The following TNS1 variants were observed in gnomAD, a reference collection of about 807,000 sequenced individuals.
TNS1 encodes the protein tensin-1.
In TNS1, 62 loss-of-function variants were observed where a neutral mutation model predicts 168.6. That is an observed-to-expected ratio of 0.37 (90% CI 0.30 to 0.45). The LOEUF (loss-of-function observed/expected upper bound fraction) is 0.45, where lower values mean the gene tolerates loss of function less well. TNS1 is among the 20% of genes least tolerant of loss of function. The pLI is 1.00. For synonymous variants in TNS1, 934 were observed against 933.2 expected (o/e 1.00, Z -0.02); for missense variants, 2,240 against 2,339.4 (o/e 0.96, Z 0.88).
At chr2:217,833,114 T>C (rs1190850504) in intron 21 of TNS1, among the ~76,000 whole-genome samples, 1 of 152,214 alleles carries the variant, frequency 6.6e-6, no homozygotes, top group East Asian at 1.9e-4. Context: ...TCAGAGACGG[T>C]CATTCATGGA....
rs1256215667 is a variant in TNS1, at chr2:217,847,499, ATACCT to A, written c.3007+6_3007+10del. ...AAGGGGTAGAAGGAGTCAGGACTGA[ATACCT>A]CTTACCTGCTACCCTGTGGGCCACC... is the stretch of plus-strand genomic sequence containing the variant. On this transcript the variant is annotated splice_donor_region_variant and intron_variant, in intron 19 of 32. Transcript: ENST00000682258. 2.1e-6 allele frequency: 3 copies of A among 1,441,864 alleles called. No individual in the cohort carries two copies. The African/African-American group carries it at 4.2e-5, about 20-fold the overall frequency. The allele number at this position is 1,441,864 out of a possible 1,614,324, so 89.3% of individuals were successfully genotyped here.
chr2:217,991,983 A>T (rs1958377416), intron 1 of TNS1, among the ~76,000 whole-genome samples: 1 of 151,866 alleles, frequency 6.6e-6, no homozygotes, highest in African/African-American at 2.4e-5. Context: ...CTCCACCACT[A>T]CCACAGGCCT....
At chr2:218,013,308 C>T (rs577202550), upstream of TNS1, among the ~76,000 whole-genome samples, 4 of 152,014 alleles carry the variant, frequency 2.6e-5, no homozygotes, top group African/African-American at 4.8e-5. Flanking sequence ...GTGCTCAGTC[C>T]GTCTTCCCTC....
At chr2:217,833,065 C>T (rs898197446) in intron 21 of TNS1, among the ~76,000 whole-genome samples, 1 of 152,184 alleles carries the variant, frequency 6.6e-6, no homozygotes, top group African/African-American at 2.4e-5. Context: ...AAACCAATGG[C>T]GGTTGAATGA....
chr2:217,947,129 GCCAA>G (rs1215055469), intron 3 of TNS1, among the ~76,000 whole-genome samples: 2 of 151,822 alleles, frequency 1.3e-5, no homozygotes, highest in Admixed American at 1.3e-4. Context: ...ACCTCCTTAA[GCCAA>G]CCCATGCTCC....
At chr2:217,922,745 G>A (rs1217570555) in intron 3 of TNS1, among the ~76,000 whole-genome samples, 1 of 152,138 alleles carries the variant, frequency 6.6e-6, no homozygotes, top group African/African-American at 2.4e-5. Context: ...CCGAGGCAGA[G>A]GCACCCCCTA....
chr2:217,928,643 A>G (rs1438679730), intron 3 of TNS1, among the ~76,000 whole-genome samples: 1 of 152,148 alleles, frequency 6.6e-6, no homozygotes, highest in Non-Finnish European at 1.5e-5. Flanking sequence ...CAGACAGGAC[A>G]CAGGGGAGTC....
chr2:217,831,140 C>T (rs1052690524), intron 22 of TNS1, among the ~76,000 whole-genome samples: 3 of 152,080 alleles, frequency 2.0e-5, no homozygotes, highest in Non-Finnish European at 4.4e-5. Flanking sequence ...TACGTGTACC[C>T]GAGGGCCTGA....
chr2:217,925,230 T>C (rs535895828), intron 3 of TNS1, among the ~76,000 whole-genome samples: 13 of 152,320 alleles, frequency 8.5e-5, no homozygotes, highest in African/African-American at 2.9e-4. Context: ...TTTTTGTGCG[T>C]GTGGCCTGTG....
chr2:217,976,242 T>C (rs1262200415), intron 3 of TNS1, among the ~76,000 whole-genome samples: 2 of 152,218 alleles, frequency 1.3e-5, no homozygotes, highest in African/African-American at 2.4e-5. Context: ...TCTGTTCACT[T>C]AGAACAGCAT....
At position 217,917,829 on chromosome 2, in the gene TNS1, C is replaced by CAAAAAAAAAAAA. The variant is rs79888115; in HGVS notation, c.228+2354_228+2365dup. On this transcript the variant is annotated intron_variant, in intron 4 of 32. Coordinates refer to ENST00000682258, the MANE Select transcript of TNS1 (RefSeq NM_001387777.1). Reference sequence around the variant, plus strand: ...CTGGGCAACACAGTGAGACTGTTCTCAAAAAAAAAAAAAAAAAAAGACTTG... The same window carrying CAAAAAAAAAAAA: ...CTGGGCAACACAGTGAGACTGTTCTCAAAAAAAAAAAAAAAAAAAAAAAAAAAAAAAGACTTG... Among the ~76,000 whole-genome samples, 523 of 75,816 alleles carry CAAAAAAAAAAAA rather than the reference C, an allele frequency of 6.9e-3. 24 individuals are homozygous for CAAAAAAAAAAAA. Among genetic ancestry groups the CAAAAAAAAAAAA allele is most frequent in the Middle Eastern group, 0.029 (3 of 102 alleles). 49.7% of individuals were successfully genotyped at this position (75,816 alleles called of 152,430 possible).
At chr2:217,982,622 C>T (rs551702585) in intron 2 of TNS1, among the ~76,000 whole-genome samples, 1 of 152,170 alleles carries the variant, frequency 6.6e-6, no homozygotes, top group East Asian at 1.9e-4. Context: ...AGGCTGGTCT[C>T]GAACTCCTGA....
At chr2:218,001,535 TC>T (rs918510143) in intron 1 of TNS1, among the ~76,000 whole-genome samples, 2 of 152,052 alleles carry the variant, frequency 1.3e-5, no homozygotes, top group African/African-American at 4.8e-5. Flanking sequence ...GCTGCAGAGC[TC>T]CCTCCTGCCT....
intron 3 of TNS1, among the ~76,000 whole-genome samples, chr2:217,953,475 G>A (rs1957289251): frequency 1.3e-5 from 2 of 152,220 alleles, no homozygotes; most frequent in African/African-American, 4.8e-5. Flanking sequence ...AGAAAAGTTT[G>A]GTGGTTATTT....
In TNS1 at chr2:217,995,522, C is replaced by T. The variant is rs1226618817; in HGVS notation, c.34-4466G>A. 6.6e-6 allele frequency among the ~76,000 whole-genome samples: 1 copy of T among 152,092 alleles called. No individual in the cohort carries two copies. Among genetic ancestry groups the T allele is most frequent in the Non-Finnish European group, 1.5e-5 (1 of 68,004 alleles). ...GGGTGCCTGGTACCTACCCAGCCCT[C>T]CCCCCGGGTTGTTCTGCAGGTACAG... On this transcript the variant is annotated intron_variant, in intron 1 of 32. Coordinates refer to ENST00000682258, the MANE Select transcript of TNS1 (RefSeq NM_001387777.1). The surrounding 1 kb of genome is among the most constrained non-coding windows in gnomAD (Gnocchi z 4.1).
At chr2:218,031,506 G>A (rs975606037) in intron 1 of TNS1, among the ~76,000 whole-genome samples, 2 of 149,526 alleles carry the variant, frequency 1.3e-5, no homozygotes, top group African/African-American at 2.5e-5. Context: ...AAGTCTGTGT[G>A]TATGAGTGTG....
At chr2:217,901,149 A>G (rs928867541) in intron 6 of TNS1, among the ~76,000 whole-genome samples, 16 of 152,090 alleles carry the variant, frequency 1.1e-4, no homozygotes, top group African/African-American at 3.9e-4. Flanking sequence ...GTACAAACTT[A>G]AGCAAATGGG....
chr2:217,854,301 G>C (rs2125484602), intron 18 of TNS1, among the ~76,000 whole-genome samples: 1 of 152,318 alleles, frequency 6.6e-6, no homozygotes, highest in African/African-American at 2.4e-5. Context: ...AAAGGTGCCA[G>C]CCATATTGAC....
chr2:217,917,703 C>T (rs192663418), intron 4 of TNS1, among the ~76,000 whole-genome samples: 2 of 151,672 alleles, frequency 1.3e-5, no homozygotes, highest in East Asian at 1.9e-4. Flanking sequence ...TGGTGCCGTG[C>T]GCCTGTAGTC....
Sources: allele counts gnomAD v4.1 joint callset (sites outside exome capture counted in the v4.1 genomes callset), GRCh38; gene constraint gnomAD v4.1.1; non-coding constraint Gnocchi (gnomAD v3.1); transcripts MANE v1.5; gene names NCBI Gene and HGNC (gene_info 2026-07-23, HGNC 2026-07-21).